The following CADM1 variants were observed in gnomAD, a reference collection of about 807,000 sequenced individuals.
CADM1 encodes the protein cell adhesion molecule 1.
Under a neutral mutation model 53.1 loss-of-function variants are expected in CADM1, and 15 were observed. The ratio of observed to expected loss-of-function variants is 0.28; its 90% CI spans 0.19 to 0.44. The LOEUF is 0.44. CADM1 is among the 20% of genes least tolerant of loss of function. CADM1 has a pLI of 1.00. For missense variants in CADM1, 434 were observed against 611.3 expected, an observed-to-expected ratio of 0.71 and a Z score of 3.06; for synonymous variants, 281 against 243.0, an observed-to-expected ratio of 1.16 and a Z score of -1.45.
chr11:115,294,712 T>C (rs1944001084), intron 1 of CADM1, among the ~76,000 whole-genome samples: 1 of 152,122 alleles, frequency 6.6e-6, no homozygotes. Flanking sequence ...AAATTTTACT[T>C]GTGATAAGCC....
At chr11:115,343,622 T>C (rs1945503323) in intron 1 of CADM1, among the ~76,000 whole-genome samples, 1 of 151,808 alleles carries the variant, frequency 6.6e-6, no homozygotes, top group Non-Finnish European at 1.5e-5. Flanking sequence ...CTGGGGACTA[T>C]CAATATCTGC....
intron 1 of CADM1, among the ~76,000 whole-genome samples, chr11:115,289,831 G>A (rs1326067874): frequency 1.3e-5 from 2 of 151,926 alleles, no homozygotes; most frequent in African/African-American, 4.8e-5. Context: ...TCCTGACCTC[G>A]TGATCCGCCC....
intron 1 of CADM1, among the ~76,000 whole-genome samples, chr11:115,330,549 C>T (rs1945104126): frequency 1.3e-5 from 2 of 152,154 alleles, no homozygotes; most frequent in African/African-American, 4.8e-5. Flanking sequence ...GATTGAGTTA[C>T]ATTAATGAGT....
chr11:115,200,742 C>T (rs1400612790), intron 8 of CADM1, among the ~76,000 whole-genome samples: 2 of 152,202 alleles, frequency 1.3e-5, no homozygotes, highest in African/African-American at 2.4e-5. Flanking sequence ...TGATCCACTG[C>T]CTTGGCCTCC....
At chr11:115,236,185 C>T (rs758779494) in intron 3 of CADM1, among the ~76,000 whole-genome samples, 1 of 152,182 alleles carries the variant, frequency 6.6e-6, no homozygotes, top group Non-Finnish European at 1.5e-5. Flanking sequence ...TGTGTAAGTA[C>T]GCATGGAGTC....
At chr11:115,383,468 A>C (rs1946627014) in intron 1 of CADM1, among the ~76,000 whole-genome samples, 1 of 152,224 alleles carries the variant, frequency 6.6e-6, no homozygotes, top group Non-Finnish European at 1.5e-5. Context: ...AGGCAAGAAG[A>C]ATAAAGCTTC....
intron 1 of CADM1, among the ~76,000 whole-genome samples, chr11:115,433,929 T>C (rs1166371578): frequency 6.6e-6 from 1 of 152,246 alleles, no homozygotes. Context: ...GATTACATTT[T>C]AGATTGACAA....
intron 1 of CADM1, among the ~76,000 whole-genome samples, chr11:115,412,421 G>T (rs1947481378): frequency 6.6e-6 from 1 of 152,104 alleles, no homozygotes; most frequent in Non-Finnish European, 1.5e-5. Context: ...GCCTTGACTA[G>T]CCTGGTACTC....
intron 1 of CADM1, among the ~76,000 whole-genome samples, chr11:115,356,901 A>T (rs776257861): frequency 3.9e-4 from 60 of 152,306 alleles, no homozygotes; most frequent in Non-Finnish European, 7.2e-4. Flanking sequence ...GTATTCTACA[A>T]TTCTTATAAG....
At chr11:115,240,523 C>G in intron 1 of CADM1, 103 bp from the exon 2 acceptor site, 1 of 1,175,950 alleles carries the variant, frequency 8.5e-7, no homozygotes, top group Non-Finnish European at 1.2e-6. Flanking sequence ...AAAATGAACA[C>G]AAGTAGCAAC....
chr11:115,375,525 A>G (rs1386498549), intron 1 of CADM1, among the ~76,000 whole-genome samples: 5 of 152,172 alleles, frequency 3.3e-5, no homozygotes, highest in Admixed American at 1.3e-4. Context: ...TTAAGAGTAG[A>G]CTACTATTCA....
At chr11:115,365,186 G>A (rs1264100688) in intron 1 of CADM1, among the ~76,000 whole-genome samples, 2 of 152,114 alleles carry the variant, frequency 1.3e-5, no homozygotes, top group Admixed American at 6.5e-5. Flanking sequence ...TACTCCAACT[G>A]TATGAATTAA....
chr11:115,221,138 T>A (rs934299219), intron 5 of CADM1, among the ~76,000 whole-genome samples: 32 of 152,182 alleles, frequency 2.1e-4, no homozygotes, highest in African/African-American at 6.0e-4. Flanking sequence ...CCAAGTGCAA[T>A]AACTGCCCAG....
intron 1 of CADM1, among the ~76,000 whole-genome samples, chr11:115,439,097 A>G (rs1449877515): frequency 6.6e-6 from 1 of 152,146 alleles, no homozygotes; most frequent in Non-Finnish European, 1.5e-5. Context: ...CCCAAACCAA[A>G]AAGACTTTTG....
At chr11:115,323,505 C>G (rs1944879450) in intron 1 of CADM1, among the ~76,000 whole-genome samples, 1 of 152,068 alleles carries the variant, frequency 6.6e-6, no homozygotes, top group Non-Finnish European at 1.5e-5. Flanking sequence ...TCTTTCTAGC[C>G]AACAGCCCAT....
intron 1 of CADM1, among the ~76,000 whole-genome samples, chr11:115,328,722 A>ATATG (rs1285262476): frequency 7.8e-6 from 1 of 127,420 alleles, no homozygotes; most frequent in African/African-American, 2.9e-5. Context: ...ATGTGTATAT[A>ATATG]TATGTATATA....
At chr11:115,195,388 A>T (rs564746597) in intron 9 of CADM1, among the ~76,000 whole-genome samples, 1 of 152,366 alleles carries the variant, frequency 6.6e-6, no homozygotes, top group South Asian at 2.1e-4. Flanking sequence ...TGAGTCTTCA[A>T]AGGGAAAGCT....
chr11:115,169,718 C>T lies in CADM1; in HGVS notation c.*6756G>A, dbSNP rs2134546480. ...ACTGATTAGTGCAGAAGATTCCCTTCCATAGCAATACTTTTTAATCAGGTC... is the reference window on the plus strand; with the variant it reads ...ACTGATTAGTGCAGAAGATTCCCTTTCATAGCAATACTTTTTAATCAGGTC... On this transcript the variant is annotated 3_prime_UTR_variant, in exon 12 of 12. Coordinates refer to ENST00000331581, the MANE Select transcript of CADM1 (RefSeq NM_001301043.2). 1 of 438,058 alleles carries T rather than the reference C, an allele frequency of 2.3e-6. No individual in the cohort carries two copies. The highest frequency in any genetic ancestry group is 7.0e-5 in the East Asian group (1 of 14,200). The allele number at this position is 438,058 out of a possible 1,614,324, so 27.1% of individuals were successfully genotyped here.
intron 1 of CADM1, among the ~76,000 whole-genome samples, chr11:115,479,141 T>C (rs1259455455): frequency 1.3e-5 from 2 of 152,160 alleles, no homozygotes; most frequent in Non-Finnish European, 1.5e-5. Context: ...ATTGCTCTAA[T>C]TGCTTAATTA....
Sources: allele counts gnomAD v4.1 joint callset (sites outside exome capture counted in the v4.1 genomes callset), GRCh38; gene constraint gnomAD v4.1.1; transcripts MANE v1.5; gene names NCBI Gene and HGNC (gene_info 2026-07-23, HGNC 2026-07-21).